BUB1: variants seen among roughly 807,000 people sequenced by gnomAD.
BUB1 encodes the protein BUB1 mitotic checkpoint serine/threonine kinase, also known as mitotic checkpoint serine/threonine-protein kinase BUB1.
Under a neutral mutation model 135.2 loss-of-function variants are expected in BUB1, and 84 were observed. The observed-to-expected ratio is 0.62, with a 90% CI of 0.52 to 0.74. The LOEUF (loss-of-function observed/expected upper bound fraction) is 0.74. Ranked by LOEUF, BUB1 falls within the 30% of genes least tolerant of loss-of-function variation. The pLI, the probability that BUB1 is intolerant of heterozygous loss-of-function variation, is 0.00. For synonymous variants in BUB1, 403 were observed against 434.4 expected (o/e 0.93, Z 0.90); for missense variants, 1,162 against 1,288.3 (o/e 0.90, Z 1.50).
intron 8 of BUB1, 40 bp downstream of exon 8, chr2:110,667,481 T>C (rs1350521993): frequency 3.2e-6 from 5 of 1,549,626 alleles, no homozygotes; most frequent in Non-Finnish European, 4.4e-6. Flanking sequence ...GATTTTTTTA[T>C]GTGACATAAG....
At chr2:110,641,501 C>T (rs1171922850) in intron 21 of BUB1, 37 bp from the exon 22 acceptor site, 1 of 1,577,904 alleles carries the variant, frequency 6.3e-7, no homozygotes, top group African/African-American at 1.4e-5. Flanking sequence ...GAGTTAGTTG[C>T]ACAAGATTAA....
intron 16 of BUB1, among the ~76,000 whole-genome samples, chr2:110,654,084 G>A (rs1019066892): frequency 6.6e-6 from 1 of 152,148 alleles, no homozygotes; most frequent in Non-Finnish European, 1.5e-5. Context: ...GGGGTCGAGA[G>A]AGTGGCAAGT....
chr2:110,645,353 G>C (rs1034330928), intron 19 of BUB1, among the ~76,000 whole-genome samples: 1 of 151,438 alleles, frequency 6.6e-6, no homozygotes, highest in African/African-American at 2.4e-5. Flanking sequence ...AAAATCACTT[G>C]AACCTGGGAG....
chr2:110,638,203 A>G (rs1381308626), intron 24 of BUB1, 44 bp from the exon 25 acceptor site: 2 of 1,485,246 alleles, frequency 1.3e-6, no homozygotes, highest in Non-Finnish European at 1.8e-6. Context: ...TGTAGCCTTC[A>G]ATATGCAGGA....
At chr2:110,649,169 ACG>A in intron 19 of BUB1, 63 bp downstream of exon 19, 1 of 1,503,968 alleles carries the variant, frequency 6.6e-7, no homozygotes, top group Non-Finnish European at 9.1e-7. Context: ...ACACACACAC[ACG>A]TTACCATCAA....
At chr2:110,673,429 C>T (rs1286068572) in intron 3 of BUB1, among the ~76,000 whole-genome samples, 1 of 152,192 alleles carries the variant, frequency 6.6e-6, no homozygotes, top group African/African-American at 2.4e-5. Flanking sequence ...CAACCTGTGG[C>T]TTGCAACTGG....
Position 110,655,745 on chromosome 2 carries a change from C to A in BUB1, c.1870G>T (p.Asp624Tyr). The A allele has an allele frequency of 4.3e-6, 7 of 1,613,170 alleles. No homozygotes were observed. The highest frequency in any genetic ancestry group is 5.9e-6 in the Non-Finnish European group (7 of 1,179,308). ...LPVESVHILE[D>Y]KENVVAKQCT... is the part of the protein sequence containing the mutation. ...AAAACAGTGTAACACACACCTTTAT[C>A]TTCTAAAATGTGCACTGACTCCACT... The change falls in exon 16 of 25, where the codon GAT becomes TAT. Residue 624 changes from aspartate to tyrosine, a missense_variant. Physicochemically the swap from Asp to Tyr is radical, Grantham distance 160. Transcript: ENST00000302759.
At position 110,667,927 on chromosome 2, in the gene BUB1, T is replaced by A. The variant is rs867984863; in HGVS notation, c.568-78A>T. 150 of 1,392,892 alleles carry A rather than the reference T, an allele frequency of 1.1e-4. 2 individuals carry two copies. The highest frequency in any genetic ancestry group is 5.7e-4 in the Middle Eastern group (3 of 5,282). The allele number at this position is 1,392,892 out of a possible 1,614,324, so 86.3% of individuals were successfully genotyped here. ...ACCCAAATTACTTCACAAAACAATA[T>A]GAAAATGCTTGAGGGGAAGAGGGAC... On this transcript the variant is annotated intron_variant, in intron 6 of 24. Transcript: ENST00000302759.
At chr2:110,644,058 C>CAAAAAAAAA (rs58393999) in intron 19 of BUB1, among the ~76,000 whole-genome samples, 81 of 39,584 alleles carry the variant, frequency 2.0e-3, no homozygotes, top group Non-Finnish European at 2.7e-3. Flanking sequence ...AACTGAAATG[C>CAAAAAAAAA]AAAAAAAAAA....
intron 4 of BUB1, among the ~76,000 whole-genome samples, chr2:110,672,119 C>G (rs1028085755): frequency 8.6e-5 from 13 of 152,010 alleles, no homozygotes; most frequent in African/African-American, 3.1e-4. Context: ...CCCAGCTAGT[C>G]AAGAGGCTGA....
At chr2:110,659,352 C>A (rs1393306145) in intron 11 of BUB1, among the ~76,000 whole-genome samples, 1 of 152,166 alleles carries the variant, frequency 6.6e-6, no homozygotes. Context: ...GAAATTTCAA[C>A]CCCATAACTC....
intron 5 of BUB1, among the ~76,000 whole-genome samples, chr2:110,669,785 T>C (rs1690367358): frequency 2.0e-5 from 3 of 152,164 alleles, no homozygotes; most frequent in Admixed American, 2.0e-4. Flanking sequence ...ACCTAACTAA[T>C]AATTTTAAAC....
At position 110,672,921 on chromosome 2, in the gene BUB1, A is replaced by C. The variant is rs1013924835; in HGVS notation, c.226-64T>G. 78 of 1,449,422 alleles carry C rather than the reference A, an allele frequency of 5.4e-5. No individual in the cohort carries two copies. In the African/African-American group the frequency reaches 1.1e-3, roughly 20 times the overall value. 89.8% of individuals were successfully genotyped at this position (1,449,422 alleles called of 1,614,324 possible). A position where few individuals can be genotyped will look rare whatever the true frequency, so the allele number is the denominator to read the frequency against. On this transcript the variant is annotated intron_variant, in intron 3 of 24. Transcript: ENST00000302759. ...AACTGCTAGTCTATGTCTGGTGAGG[A>C]GTTAGCCAGCTAAGCTGGGAGCCCC...
At chr2:110,654,845 G>A (rs951647096) in intron 16 of BUB1, among the ~76,000 whole-genome samples, 18 of 152,114 alleles carry the variant, frequency 1.2e-4, no homozygotes, top group African/African-American at 4.3e-4. Context: ...TTCTTTGGCA[G>A]CTCTTCTATT....
At position 110,666,310 on chromosome 2, in the gene BUB1, C is replaced by T; in HGVS notation, c.910G>A (p.Val304Met). 6.6e-7 allele frequency: 1 copy of T among 1,524,440 alleles called. No individual in the cohort carries two copies. The allele number at this position is 1,524,440 out of a possible 1,614,324, so 94.4% of individuals were successfully genotyped here. The change falls in exon 9 of 25, where the codon GTG (valine) becomes ATG (methionine). Residue 304 changes from valine to methionine, a missense_variant. Transcript: ENST00000302759. ...DELHKKLHQV[V>M]ETSHEDLPAS... The stretch of plus-strand genomic sequence containing the variant: ...GGCAGATCCTCATGGGATGTCTCCA[C>T]CACCTGATGCAACTTCTTATGAAGT...
rs1206972928 is a variant in BUB1, at chr2:110,670,134, T to TG, written c.466+390_466+391insC. Among the ~76,000 whole-genome samples, 83 of 141,560 alleles carry TG rather than the reference T, an allele frequency of 5.9e-4. 1 individual carries two copies. Among genetic ancestry groups the TG allele is most frequent in the African/African-American group, 2.1e-3 (81 of 37,940 alleles). 92.9% of individuals were successfully genotyped at this position (141,560 alleles called of 152,430 possible). A position where few individuals can be genotyped will look rare whatever the true frequency, so the allele number is the denominator to read the frequency against. On this transcript the variant is annotated intron_variant, in intron 5 of 24. Transcript: ENST00000302759. ...CATTAAAAATTGGATGGGTTTTTTTTTTTTTTTTTTTTTTTTTTTGTGGAG... is the reference window on the plus strand; with the variant it reads ...CATTAAAAATTGGATGGGTTTTTTTTGTTTTTTTTTTTTTTTTTTTGTGGAG...
rs771472142 is a variant in BUB1, at chr2:110,661,889, G to A, written c.958-48C>T. On this transcript the variant is annotated intron_variant, in intron 9 of 24. Transcript: ENST00000302759. ...AACAAAAACAAAACCATGAAGTCCAGAATACTACTAATCAGGCATTACATC... is the reference window on the plus strand; with the variant it reads ...AACAAAAACAAAACCATGAAGTCCAAAATACTACTAATCAGGCATTACATC... The A allele has an allele frequency of 5.6e-5, 89 of 1,592,246 alleles. 1 individual carries two copies. In the South Asian group the frequency reaches 9.6e-4, roughly 17 times the overall value.
rs140051751 is a variant in BUB1 at position 110,658,422 on chromosome 2, C to A, written c.1504G>T (p.Ala502Ser). The change falls in exon 13 of 25, where the codon GCC (alanine) becomes TCC (serine). Residue 502 changes from alanine (A) to serine (S), a missense_variant. Coordinates refer to ENST00000302759, the MANE Select transcript of BUB1 (RefSeq NM_004336.5). ...SLDQNEDAFE[A>S]QFQKNVRSSG... ...AAATAGTTATTACTTTGAAACTGGG[C>A]TTCAAATGCATCTTCATTTTGATCT... 4.7e-5 allele frequency: 76 copies of A among 1,611,820 alleles called. No homozygotes were observed. The highest frequency in any genetic ancestry group is 6.0e-5 in the Non-Finnish European group (71 of 1,178,470).
rs747353009 is a variant in BUB1 at position 110,639,851 on chromosome 2, A to G, written c.2956-3T>C. 16 of 1,607,664 alleles carry G rather than the reference A, an allele frequency of 1.0e-5. No individual in the cohort carries two copies. Among genetic ancestry groups the G allele is most frequent in the African/African-American group, 1.3e-5 (1 of 74,768 alleles). On this transcript the variant is annotated splice_polypyrimidine_tract_variant and splice_region_variant and intron_variant, in intron 23 of 24. Transcript: ENST00000302759. ...GCAGCAACCCCAAAGTAATCGATCT[A>G]TGAAGAAGATAGAGGTATATATGAC...
Sources: gnomAD v4.1 joint callset for allele counts (sites outside exome capture counted in the v4.1 genomes callset) on GRCh38, gnomAD v4.1.1 for gene constraint, MANE v1.5 for transcripts, NCBI Gene and HGNC (gene_info 2026-07-23, HGNC 2026-07-21) for gene names.